SPAG16: variants seen among roughly 807,000 people sequenced by gnomAD.
The protein encoded by SPAG16 is sperm associated antigen 16.
A neutral mutation model predicts 80.4 loss-of-function variants in SPAG16; 86 were observed. That is an observed-to-expected ratio of 1.07 (90% CI 0.90 to 1.28). SPAG16 has a LOEUF of 1.28. SPAG16 is among the 50% of genes most tolerant of loss of function. The pLI is 0.00. For synonymous variants in SPAG16, 294 were observed against 265.9 expected, an observed-to-expected ratio of 1.11 and a Z score of -1.03; for missense variants, 870 against 765.3, an observed-to-expected ratio of 1.14 and a Z score of -1.61.
At chr2:213,762,399 AAAC>A (rs1167742786) in intron 10 of SPAG16, among the ~76,000 whole-genome samples, 3 of 152,228 alleles carry the variant, frequency 2.0e-5, no homozygotes, top group Non-Finnish European at 4.4e-5. Context: ...AAAATGGAGA[AAAC>A]AACAAAAAAC....
chr2:213,818,726 C>T (rs558099686), intron 10 of SPAG16, among the ~76,000 whole-genome samples: 6 of 152,086 alleles, frequency 3.9e-5, no homozygotes, highest in Non-Finnish European at 8.8e-5. Context: ...AGGGAGGAAC[C>T]TAGTGGGAGG....
chr2:213,891,774 A>G (rs1278501507), intron 11 of SPAG16, among the ~76,000 whole-genome samples: 2 of 152,118 alleles, frequency 1.3e-5, no homozygotes, highest in African/African-American at 4.8e-5. Context: ...AGATGGTAAG[A>G]TAATAGGACT....
chr2:213,391,568 T>G (rs1160324832), intron 9 of SPAG16, among the ~76,000 whole-genome samples: 1 of 152,116 alleles, frequency 6.6e-6, no homozygotes, highest in African/African-American at 2.4e-5. Context: ...TATCAAAGGG[T>G]TTTTTGTTAG....
At chr2:213,784,715 A>G (rs1454584490) in intron 10 of SPAG16, among the ~76,000 whole-genome samples, 1 of 150,172 alleles carries the variant, frequency 6.7e-6, no homozygotes, top group Non-Finnish European at 1.5e-5. Flanking sequence ...TTCCAATATA[A>G]TGGAAAGAAA....
intron 10 of SPAG16, among the ~76,000 whole-genome samples, chr2:213,555,061 CAAAT>C (rs1163242591): frequency 6.6e-6 from 1 of 151,610 alleles, no homozygotes. Context: ...TATCAAAAAA[CAAAT>C]AAAAAGAGGG....
rs1357286523 is a variant in SPAG16, at chr2:214,010,282, GA to G, written c.1401-3662del. Among the ~76,000 whole-genome samples the G allele has an allele frequency of 1.4e-5, 2 of 145,072 alleles. 1 individual carries two copies. The highest frequency in any genetic ancestry group is 5.4e-5 in the African/African-American group (2 of 36,902). On this transcript the variant is annotated intron_variant, in intron 12 of 15. Coordinates refer to ENST00000331683, the MANE Select transcript of SPAG16 (RefSeq NM_024532.5). ...GTTATAAAGAACAGATATTAAAAAT[GA>G]AAAAAATAAGAATTGTAGAGAAAAT... is the stretch of plus-strand genomic sequence containing the variant.
intron 10 of SPAG16, among the ~76,000 whole-genome samples, chr2:213,611,930 C>T (rs16850551): frequency 0.017 from 2,560 of 152,156 alleles, 90 homozygotes; most frequent in African/African-American, 0.058. Flanking sequence ...AGAATGTTCT[C>T]CACAATCAAT....
intron 10 of SPAG16, among the ~76,000 whole-genome samples, chr2:213,659,117 G>C (rs556788895): frequency 1.2e-4 from 19 of 152,174 alleles, no homozygotes; most frequent in East Asian, 3.9e-4. Context: ...GTGCATTATT[G>C]TGTATTCTTC....
chr2:213,979,046 C>T (rs2045561107), intron 12 of SPAG16, among the ~76,000 whole-genome samples: 1 of 151,888 alleles, frequency 6.6e-6, no homozygotes, highest in Non-Finnish European at 1.5e-5. Context: ...TATAAGCTGT[C>T]TCAGAAATGA....
At chr2:214,239,777 A>G (rs1342079083) in intron 15 of SPAG16, 1 of 152,182 alleles carries the variant, frequency 6.6e-6, no homozygotes, top group African/African-American at 2.4e-5. Context: ...CCTGGAGAGG[A>G]AAGTTGCTAT....
intron 6 of SPAG16, among the ~76,000 whole-genome samples, chr2:213,349,156 T>C (rs949921468): frequency 2.5e-4 from 38 of 152,294 alleles, no homozygotes; most frequent in South Asian, 4.1e-4. Flanking sequence ...TTGCGCTGAA[T>C]GATTAAAAAT....
intron 11 of SPAG16, among the ~76,000 whole-genome samples, chr2:213,874,979 G>T (rs985074881): frequency 6.6e-6 from 1 of 152,094 alleles, no homozygotes; most frequent in South Asian, 2.1e-4. Flanking sequence ...ATCTTGCTCT[G>T]TTGCCCTGGT....
At chr2:213,361,177 A>C (rs1189526592) in intron 7 of SPAG16, among the ~76,000 whole-genome samples, 1 of 152,092 alleles carries the variant, frequency 6.6e-6, no homozygotes, top group Non-Finnish European at 1.5e-5. Context: ...TTTATTTAAA[A>C]TGTAATGAAA....
intron 15 of SPAG16, among the ~76,000 whole-genome samples, chr2:214,371,716 AGTC>A (rs1286523692): frequency 6.9e-6 from 1 of 145,218 alleles, no homozygotes; most frequent in Non-Finnish European, 1.5e-5. Context: ...AGTCTCACTC[AGTC>A]GTCCAGGCTG....
intron 10 of SPAG16, among the ~76,000 whole-genome samples, chr2:213,778,668 C>T (rs1205281273): frequency 6.6e-6 from 1 of 152,032 alleles, no homozygotes; most frequent in Non-Finnish European, 1.5e-5. Flanking sequence ...TCTTTCTCTC[C>T]CTTCTGTTCT....
chr2:213,440,925 C>T (rs1384993682), intron 9 of SPAG16, among the ~76,000 whole-genome samples: 1 of 152,056 alleles, frequency 6.6e-6, no homozygotes, highest in Non-Finnish European at 1.5e-5. Flanking sequence ...AAATTAATTC[C>T]ATCAAATGAC....
intron 13 of SPAG16, among the ~76,000 whole-genome samples, chr2:214,064,888 G>A (rs1032166016): frequency 4.0e-5 from 6 of 151,678 alleles, no homozygotes; most frequent in African/African-American, 1.5e-4. Flanking sequence ...ATTTAATGCA[G>A]TTTTTGTTTT....
At chr2:214,331,943 T>C (rs997204714) in intron 15 of SPAG16, among the ~76,000 whole-genome samples, 1 of 152,220 alleles carries the variant, frequency 6.6e-6, no homozygotes, top group Non-Finnish European at 1.5e-5. Flanking sequence ...TCTGCCAGGA[T>C]AGAAAGTGTC....
intron 15 of SPAG16, among the ~76,000 whole-genome samples, chr2:214,379,964 T>C (rs1426249789): frequency 6.6e-6 from 1 of 152,162 alleles, no homozygotes; most frequent in Non-Finnish European, 1.5e-5. Context: ...AGCTCCAGAC[T>C]TAATGGACAT....
Sources: allele counts gnomAD v4.1 joint callset (sites outside exome capture counted in the v4.1 genomes callset), GRCh38; gene constraint gnomAD v4.1.1; transcripts MANE v1.5; gene names NCBI Gene and HGNC (gene_info 2026-07-23, HGNC 2026-07-21).